Variants in PDZD2 observed in about 807,000 individuals in gnomAD.
The protein encoded by PDZD2 is PDZ domain containing 2, also known as PDZ domain-containing protein 2.
Under a neutral mutation model 220.7 loss-of-function variants are expected in PDZD2, and 90 were observed. That is an observed-to-expected ratio of 0.41 (90% CI 0.34 to 0.49). The LOEUF is 0.49. Ranked by LOEUF, PDZD2 falls within the 20% of genes least tolerant of loss-of-function variation. PDZD2 has a pLI of 0.28. For missense variants in PDZD2, 3,174 were observed against 3,608.5 expected (o/e 0.88, Z 3.08); for synonymous variants, 1,375 against 1,450.5 (o/e 0.95, Z 1.18).
chr5:31,953,970 G>A (rs1747422100), intron 2 of PDZD2, among the ~76,000 whole-genome samples: 1 of 151,910 alleles, frequency 6.6e-6, no homozygotes, highest in Admixed American at 6.6e-5. Flanking sequence ...TTTTTAATTA[G>A]CCAGGCATGG....
intron 2 of PDZD2, among the ~76,000 whole-genome samples, chr5:31,977,035 TA>T (rs1749853260): frequency 6.6e-6 from 1 of 151,024 alleles, no homozygotes; most frequent in African/African-American, 2.4e-5. Context: ...TTTTTTTTTT[TA>T]AAGTAGAGAC....
intron 1 of PDZD2, among the ~76,000 whole-genome samples, chr5:31,667,235 CAAAA>C (rs3031718): frequency 1.1e-4 from 6 of 52,842 alleles, no homozygotes; most frequent in Admixed American, 8.8e-4. Context: ...GACTCCGTCT[CAAAA>C]AAAAAAAAAA....
chr5:31,870,307 A>G (rs1738669359), intron 2 of PDZD2, among the ~76,000 whole-genome samples: 1 of 152,220 alleles, frequency 6.6e-6, no homozygotes, highest in South Asian at 2.1e-4. Flanking sequence ...AGTTATCAGA[A>G]ATGAGACAGT....
chr5:31,918,130 G>T (rs1043231123), intron 2 of PDZD2, among the ~76,000 whole-genome samples: 8 of 152,124 alleles, frequency 5.3e-5, no homozygotes, highest in Non-Finnish European at 1.0e-4. Flanking sequence ...TAAACAACCA[G>T]ATTTCATGAG....
chr5:32,046,811 G>A (rs113204079), intron 7 of PDZD2, among the ~76,000 whole-genome samples: 1 of 152,204 alleles, frequency 6.6e-6, no homozygotes, highest in South Asian at 2.1e-4. Context: ...GGGAGGCCAA[G>A]GCAGGTAGAC....
At chr5:31,690,742 C>T (rs393323) in intron 1 of PDZD2, among the ~76,000 whole-genome samples, 101,093 of 152,100 alleles carry the variant, frequency 0.66, 34,580 homozygotes, top group African/African-American at 0.83. Flanking sequence ...TAATCCAGGA[C>T]AAGCACCTCC....
intron 1 of PDZD2, among the ~76,000 whole-genome samples, chr5:31,667,257 A>AAAAG (rs1554060941): frequency 6.7e-6 from 1 of 149,432 alleles, no homozygotes; most frequent in African/African-American, 2.5e-5. Context: ...AAAAAAAAAA[A>AAAAG]GAGTACCTGC....
intron 2 of PDZD2, among the ~76,000 whole-genome samples, chr5:31,806,277 A>G (rs1404970914): frequency 6.6e-6 from 1 of 152,184 alleles, no homozygotes; most frequent in East Asian, 1.9e-4. Flanking sequence ...GCTTACTTCA[A>G]AAATTAGTTT....
chr5:31,867,035 C>T (rs1260594958), intron 2 of PDZD2, among the ~76,000 whole-genome samples: 1 of 152,178 alleles, frequency 6.6e-6, no homozygotes, highest in African/African-American at 2.4e-5. Context: ...GGTAGCAGAC[C>T]TCCATGCCTT....
At chr5:31,643,605 T>A (rs2150102004) in intron 1 of PDZD2, among the ~76,000 whole-genome samples, 1 of 152,318 alleles carries the variant, frequency 6.6e-6, no homozygotes. Context: ...TGGGGAACTC[T>A]TGTCTTTCAA....
chr5:31,860,635 T>C (rs1475400046), intron 2 of PDZD2, among the ~76,000 whole-genome samples: 1 of 152,138 alleles, frequency 6.6e-6, no homozygotes, highest in Non-Finnish European at 1.5e-5. Flanking sequence ...ACATTTCAGG[T>C]AGGCTACATC....
intron 15 of PDZD2, among the ~76,000 whole-genome samples, chr5:32,070,836 A>C (rs190702292): frequency 6.6e-6 from 1 of 152,282 alleles, no homozygotes; most frequent in Non-Finnish European, 1.5e-5. Flanking sequence ...TCTCTGCTAA[A>C]AATACGAAAG....
intron 1 of PDZD2, among the ~76,000 whole-genome samples, chr5:31,702,224 T>G (rs1747640176): frequency 1.3e-5 from 2 of 152,236 alleles, no homozygotes; most frequent in Admixed American, 1.3e-4. Context: ...AGTGGCATTT[T>G]TTTTCTTTGT....
At chr5:32,077,386 T>C in intron 18 of PDZD2, 76 bp from the exon 19 acceptor site, 3 of 1,487,048 alleles carry the variant, frequency 2.0e-6, no homozygotes, top group Middle Eastern at 2.4e-4. Flanking sequence ...AGCTCTGCTC[T>C]CTATATATGA....
At chr5:32,025,065 A>T (rs568663688) in intron 6 of PDZD2, among the ~76,000 whole-genome samples, 13 of 152,206 alleles carry the variant, frequency 8.5e-5, no homozygotes, top group Non-Finnish European at 1.3e-4. Flanking sequence ...CCAACAGATT[A>T]TCTTAAAGAA....
intron 2 of PDZD2, among the ~76,000 whole-genome samples, chr5:31,930,356 G>A (rs1035516013): frequency 4.0e-5 from 6 of 151,664 alleles, no homozygotes; most frequent in East Asian, 2.0e-4. Flanking sequence ...CACCACGCCC[G>A]GCTAATTTTT....
At position 32,090,589 on chromosome 5, in the gene PDZD2, A is replaced by C. The variant is rs1743022646; in HGVS notation, c.7141A>C (p.Ser2381Arg). The change falls in exon 20 of 25, where the codon AGC (serine) becomes CGC (arginine). Residue 2381 changes from serine (S) to arginine (R), a missense_variant. Coordinates refer to ENST00000438447, the MANE Select transcript of PDZD2 (RefSeq NM_178140.4). The surrounding 1 kb of genome is among the most constrained non-coding windows in gnomAD (Gnocchi z 4.3). ...GTCTTCCGGCAGCATTGTTTCCGGG[A>C]GCCTGGGCCACCCAGGTGACGCAGC... The part of the protein sequence containing the change: ...RRSSGSIVSG[S>R]LGHPGDAAAR... The C allele has an allele frequency of 6.2e-7, 1 of 1,613,752 alleles. No individual in the cohort carries two copies. Among genetic ancestry groups the C allele is most frequent in the South Asian group, 1.1e-5 (1 of 91,068 alleles).
chr5:31,977,687 A>T (rs781630579), intron 2 of PDZD2, among the ~76,000 whole-genome samples: 1 of 152,318 alleles, frequency 6.6e-6, no homozygotes, highest in East Asian at 1.9e-4. Flanking sequence ...AAAGAACTAC[A>T]ACTGGCCAGA....
chr5:32,095,822 G>C (rs1743623586), intron 21 of PDZD2, among the ~76,000 whole-genome samples: 1 of 148,768 alleles, frequency 6.7e-6, no homozygotes, highest in African/African-American at 2.5e-5. Flanking sequence ...CTCACTGCAA[G>C]CTCCACCTCC....
Sources: gnomAD v4.1 joint callset for allele counts (sites outside exome capture counted in the v4.1 genomes callset) on GRCh38, gnomAD v4.1.1 for gene constraint, Gnocchi (gnomAD v3.1) non-coding constraint, MANE v1.5 for transcripts, NCBI Gene and HGNC (gene_info 2026-07-23, HGNC 2026-07-21) for gene names.